The following PIH1D2 variants were observed in gnomAD, a reference collection of about 807,000 sequenced individuals.
PIH1D2 encodes the protein PIH1 domain containing 2.
A neutral mutation model predicts 31.2 loss-of-function variants in PIH1D2; 25 were observed. That is an observed-to-expected ratio of 0.80 (90% confidence interval 0.58 to 1.12). The LOEUF is 1.12. Ranked by LOEUF, PIH1D2 falls within the 50% of genes most tolerant of loss-of-function variation. The pLI is 0.00. For synonymous variants in PIH1D2, 116 were observed against 119.9 expected, an observed-to-expected ratio of 0.97 and a Z score of 0.21; for missense variants, 310 against 356.6, an observed-to-expected ratio of 0.87 and a Z score of 1.05.
the PIH1D2 span, among the ~76,000 whole-genome samples, chr11:112,052,823 T>C: frequency 6.6e-6 from 1 of 152,124 alleles, no homozygotes; most frequent in Admixed American, 6.5e-5. Context: ...CCTCTAGTCA[T>C]TTTGACCCTT....
downstream of PIH1D2, among the ~76,000 whole-genome samples, chr11:112,058,324 A>G (rs1184345306): frequency 6.6e-6 from 1 of 152,180 alleles, no homozygotes; most frequent in Non-Finnish European, 1.5e-5. Context: ...GTGGTAATTA[A>G]TGAGTCATAC....
At chr11:112,061,114 C>G (rs1555183223), downstream of PIH1D2, 1 of 1,614,056 alleles carries the variant, frequency 6.2e-7, no homozygotes, top group Non-Finnish European at 8.5e-7. Context: ...CCACCTCAAG[C>G]ATGTATTTTG....
chr11:112,072,043 A>G (rs1312775184), intron 2 of PIH1D2, among the ~76,000 whole-genome samples: 1 of 152,120 alleles, frequency 6.6e-6, no homozygotes, highest in African/African-American at 2.4e-5. Context: ...CAGTGAGCCA[A>G]GATTGTGCCA....
Position 112,067,830 on chromosome 11 carries a change from G to T in PIH1D2, c.*41C>A, listed in dbSNP as rs1437581795. ...AAAATGAAGGTCCTTTAATTCACAT[G>T]ACTTTAGCACTGAAAACCCAAAACA... is the stretch of plus-strand genomic sequence containing the variant. On this transcript the variant is annotated 3_prime_UTR_variant, in exon 6 of 6. Coordinates refer to ENST00000280350, the MANE Select transcript of PIH1D2 (RefSeq NM_138789.4). 6 of 1,603,370 alleles carry T rather than the reference G, an allele frequency of 3.7e-6. No homozygotes were observed. Among genetic ancestry groups the T allele is most frequent in the South Asian group, 2.2e-5 (2 of 89,188 alleles).
Position 112,071,538 on chromosome 11 carries a change from CAAAT to C in PIH1D2, c.301+93_301+96del, listed in dbSNP as rs587667052. The C allele has an allele frequency of 8.5e-5, 122 of 1,432,868 alleles. No individual in the cohort carries two copies. The Admixed American group carries it at 1.0e-3, about 12-fold the overall frequency. 88.8% of individuals were successfully genotyped at this position (1,432,868 alleles called of 1,614,324 possible). A position where few individuals can be genotyped will look rare whatever the true frequency, so the allele number is the denominator to read the frequency against. Reference sequence around the variant, plus strand: ...ACACTAATTGTAATTATATTATCAACAAATAAAGAGTTTTACTTGAAATGCTCTC... The same window carrying C: ...ACACTAATTGTAATTATATTATCAACAAAGAGTTTTACTTGAAATGCTCTC... On this transcript the variant is annotated intron_variant, in intron 3 of 5. Transcript: ENST00000280350.
chr11:112,068,114 T>A (rs782013675), intron 5 of PIH1D2, 109 bp from the exon 6 acceptor site: 1 of 807,488 alleles, frequency 1.2e-6, no homozygotes, highest in Non-Finnish European at 1.9e-6. Context: ...TTTGTTGCCA[T>A]GTGACTTGGA....
At chr11:112,071,305 T>G in intron 3 of PIH1D2, 22 bp from the exon 4 acceptor site, 2 of 1,590,608 alleles carry the variant, frequency 1.3e-6, no homozygotes, top group Non-Finnish European at 1.7e-6. Flanking sequence ...ATTGAAAGGG[T>G]ATGAAATGAA....
rs1555184065 is a variant in PIH1D2 at position 112,067,973 on chromosome 11, G to A, written c.846C>T (p.Tyr282=). 3.8e-6 allele frequency: 6 copies of A among 1,598,212 alleles called. No homozygotes were observed. The East Asian group carries it at 1.3e-4, about 36-fold the overall frequency. ...DDLLIEVSEK[Y]RLHLNLPKLI... is the part of the protein sequence containing the mutation. ...GTTTTGGAAGATTCAGATGTAATCT[G>A]TACTTCTCAGATACTTCAATCAATA... The change falls in exon 6 of 6, where the codon TAC becomes TAT. Residue 282 remains tyrosine, a synonymous_variant. Coordinates refer to ENST00000280350, the MANE Select transcript of PIH1D2 (RefSeq NM_138789.4).
chr11:112,067,847 C>G lies in PIH1D2; in HGVS notation c.*24G>C. 1 of 1,610,524 alleles carries G rather than the reference C, an allele frequency of 6.2e-7. No individual in the cohort carries two copies. Among genetic ancestry groups the G allele is most frequent in the Non-Finnish European group, 8.5e-7 (1 of 1,179,034 alleles). On this transcript the variant is annotated 3_prime_UTR_variant, in exon 6 of 6. Coordinates refer to ENST00000280350, the MANE Select transcript of PIH1D2 (RefSeq NM_138789.4). The stretch of plus-strand genomic sequence containing the variant: ...ATTCACATGACTTTAGCACTGAAAA[C>G]CCAAAACATATGATGCTCTTCTTTC...
chr11:112,053,014 A>T, the PIH1D2 span, among the ~76,000 whole-genome samples: 1 of 152,158 alleles, frequency 6.6e-6, no homozygotes, highest in Non-Finnish European at 1.5e-5. Flanking sequence ...AGTATATATT[A>T]TACCACACTT....
At chr11:112,059,758 G>A (rs587646022), downstream of PIH1D2, 189 of 631,534 alleles carry the variant, frequency 3.0e-4, 1 homozygote, top group African/African-American at 2.9e-3. Context: ...AATTAGGATA[G>A]ACATCTTAAT....
intron 5 of PIH1D2, among the ~76,000 whole-genome samples, chr11:112,068,973 A>ATTTTTTTTT (rs1159827826): frequency 7.4e-6 from 1 of 134,396 alleles, no homozygotes; most frequent in African/African-American, 3.0e-5. Flanking sequence ...AAACCTCTGA[A>ATTTTTTTTT]TTTTTTTTGT....
At chr11:112,056,241 T>C in the PIH1D2 span, among the ~76,000 whole-genome samples, 1 of 152,202 alleles carries the variant, frequency 6.6e-6, no homozygotes, top group Non-Finnish European at 1.5e-5. Flanking sequence ...GTACAATTTC[T>C]TGATTTTTGT....
At position 112,067,830 on chromosome 11, in the gene PIH1D2, G is replaced by A. The variant is rs1437581795; in HGVS notation, c.*41C>T. 2 of 1,603,482 alleles carry A rather than the reference G, an allele frequency of 1.2e-6. No homozygotes were observed. Among genetic ancestry groups the A allele is most frequent in the Admixed American group, 3.5e-5 (2 of 57,944 alleles). On this transcript the variant is annotated 3_prime_UTR_variant, in exon 6 of 6. Coordinates refer to ENST00000280350, the MANE Select transcript of PIH1D2 (RefSeq NM_138789.4). The stretch of plus-strand genomic sequence containing the variant: ...AAAATGAAGGTCCTTTAATTCACAT[G>A]ACTTTAGCACTGAAAACCCAAAACA...
intron 1 of PIH1D2, among the ~76,000 whole-genome samples, chr11:112,073,524 T>C (rs546405626): frequency 6.6e-6 from 1 of 152,244 alleles, no homozygotes; most frequent in East Asian, 1.9e-4. Flanking sequence ...AGTTCTGAAA[T>C]TGCCAGAGGT....
chr11:112,058,823 T>A (rs1344796716), downstream of PIH1D2, among the ~76,000 whole-genome samples: 1 of 152,144 alleles, frequency 6.6e-6, no homozygotes, highest in Non-Finnish European at 1.5e-5. Flanking sequence ...ATAGCCATTA[T>A]TAGACCTGCA....
At chr11:112,059,831 A>G, downstream of PIH1D2, 1 of 1,343,080 alleles carries the variant, frequency 7.4e-7, no homozygotes, top group Non-Finnish European at 1.0e-6. Flanking sequence ...AAATATAAAT[A>G]TTCTTGCTTA....
chr11:112,058,993 G>C (rs964095490), downstream of PIH1D2, among the ~76,000 whole-genome samples: 6 of 151,666 alleles, frequency 4.0e-5, no homozygotes, highest in Non-Finnish European at 7.4e-5. Flanking sequence ...CAGATGCATA[G>C]GGACACATTC....
chr11:112,059,793 AC>A (rs1864435317), downstream of PIH1D2: 3 of 877,950 alleles, frequency 3.4e-6, no homozygotes, highest in Non-Finnish European at 5.1e-6. Flanking sequence ...GAACAATAAC[AC>A]ACATTGGTTC....
Sources: allele counts gnomAD v4.1 joint callset (sites outside exome capture counted in the v4.1 genomes callset), GRCh38; gene constraint gnomAD v4.1.1; transcripts MANE v1.5; gene names NCBI Gene and HGNC (gene_info 2026-07-23, HGNC 2026-07-21).